The following SMAD7 variants were observed in gnomAD, a reference collection of about 807,000 sequenced individuals.
SMAD7 encodes the protein SMAD family member 7, also known as MAD (mothers against decapentaplegic, Drosophila) homolog 7.
In SMAD7, 8 loss-of-function variants were observed where a neutral mutation model predicts 38.7. The observed-to-expected ratio is 0.21, with a 90% CI of 0.12 to 0.37. The LOEUF (loss-of-function observed/expected upper bound fraction) is 0.37. Ranked by LOEUF, SMAD7 falls within the 10% of genes least tolerant of loss-of-function variation. The pLI is 1.00. For synonymous variants in SMAD7, 327 were observed against 265.1 expected, an observed-to-expected ratio of 1.23 and a Z score of -2.27; for missense variants, 477 against 577.9, an observed-to-expected ratio of 0.83 and a Z score of 1.79.
intron 2 of SMAD7, among the ~76,000 whole-genome samples, chr18:48,945,464 A>T (rs2070185106): frequency 6.6e-6 from 1 of 152,216 alleles, no homozygotes; most frequent in South Asian, 2.1e-4. Flanking sequence ...GTCTCGGAAA[A>T]AAAAAGAACA....
chr18:48,947,919 G>A (rs950550107), intron 2 of SMAD7, among the ~76,000 whole-genome samples: 6 of 139,596 alleles, frequency 4.3e-5, no homozygotes, highest in African/African-American at 1.7e-4. Context: ...ACTGGCTGTT[G>A]CCTATACTTC....
At chr18:48,944,931 G>T (rs1218197552) in intron 2 of SMAD7, among the ~76,000 whole-genome samples, 1 of 152,084 alleles carries the variant, frequency 6.6e-6, no homozygotes, top group Non-Finnish European at 1.5e-5. Flanking sequence ...TCTCCGAGCA[G>T]CTCCAACAGA....
chr18:48,940,764 C>T (rs1269282437), intron 3 of SMAD7, among the ~76,000 whole-genome samples: 1 of 149,536 alleles, frequency 6.7e-6, no homozygotes, highest in Admixed American at 6.7e-5. Flanking sequence ...GAGCCGAAAT[C>T]GCGCCACTGC....
intron 3 of SMAD7, among the ~76,000 whole-genome samples, chr18:48,941,573 G>A (rs1371518743): frequency 6.6e-6 from 1 of 152,182 alleles, no homozygotes; most frequent in African/African-American, 2.4e-5. Context: ...TGATCCTACA[G>A]GCAAGGAAAT....
chr18:48,926,857 T>TCAACAAGC (rs931313810), intron 3 of SMAD7, among the ~76,000 whole-genome samples: 1 of 152,168 alleles, frequency 6.6e-6, no homozygotes, highest in Non-Finnish European at 1.5e-5. Context: ...TGTTCTGATA[T>TCAACAAGC]CAACAAGCCC....
intron 3 of SMAD7, among the ~76,000 whole-genome samples, chr18:48,940,039 G>C (rs1473105358): frequency 2.6e-5 from 4 of 152,138 alleles, no homozygotes; most frequent in Non-Finnish European, 2.9e-5. Context: ...CCTTTTGGAA[G>C]GCATTCTCGC....
chr18:48,936,916 C>T (rs966387713), intron 3 of SMAD7, among the ~76,000 whole-genome samples: 1 of 152,060 alleles, frequency 6.6e-6, no homozygotes, highest in East Asian at 1.9e-4. Context: ...CCTCTCTCTA[C>T]AAAAAAGTAC....
At chr18:48,946,221 CCT>C (rs1568305810) in intron 2 of SMAD7, among the ~76,000 whole-genome samples, 1 of 152,154 alleles carries the variant, frequency 6.6e-6, no homozygotes, top group Non-Finnish European at 1.5e-5. Flanking sequence ...AAACTTTGTG[CCT>C]GTTTCATCTA....
Position 48,923,106 on chromosome 18 carries a change from C to T in SMAD7, c.743-1196G>A, listed in dbSNP as rs1017278763. ...TGGTTTGTGGCAGCAGGGTGGAGACCGGAAGTCTTGTATTTGTTAACAAAA... is the reference window on the plus strand; with the variant it reads ...TGGTTTGTGGCAGCAGGGTGGAGACTGGAAGTCTTGTATTTGTTAACAAAA... On this transcript the variant is annotated intron_variant, in intron 3 of 3. Coordinates refer to ENST00000262158, the MANE Select transcript of SMAD7 (RefSeq NM_005904.4). Among the ~76,000 whole-genome samples the T allele has an allele frequency of 1.4e-4, 21 of 152,220 alleles. 1 individual carries two copies. In the South Asian group the frequency reaches 1.7e-3, roughly 12 times the overall value.
intron 3 of SMAD7, chr18:48,933,760 C>T (rs1472494734): frequency 6.6e-6 from 1 of 152,326 alleles, no homozygotes; most frequent in East Asian, 1.9e-4. Context: ...CGCCGGCCCA[C>T]CAACCTCTGT....
chr18:48,931,132 G>C (rs74838488), intron 3 of SMAD7, among the ~76,000 whole-genome samples: 3,669 of 152,248 alleles, frequency 0.024, 117 homozygotes, highest in African/African-American at 0.067. Context: ...TTCATAGACA[G>C]AAAGAATGGT....
Position 48,950,077 on chromosome 18 carries a change from C to T in SMAD7, c.348G>A (p.Glu116=). The T allele has an allele frequency of 6.9e-7, 1 of 1,456,514 alleles. No homozygotes were observed. Among genetic ancestry groups the T allele is most frequent in the Non-Finnish European group, 9.0e-7 (1 of 1,107,604 alleles). The allele number at this position is 1,456,514 out of a possible 1,614,324, so 90.2% of individuals were successfully genotyped here. A position where few individuals can be genotyped will look rare whatever the true frequency, so the allele number is the denominator to read the frequency against. The change falls in exon 1 of 4, where the codon GAG becomes GAA. Residue 116 remains glutamate (E), a synonymous_variant. Transcript: ENST00000262158. ...ACGCGGTGCGCGTCCCGCCGCGGGA[C>T]TCCACGGCCTGGAGCAGCAGCTCCA... is the stretch of plus-strand genomic sequence containing the variant. ...RQLELLLQAV[E]SRGGTRTACL...
chr18:48,940,113 C>T (rs915043149), intron 3 of SMAD7, among the ~76,000 whole-genome samples: 3 of 152,258 alleles, frequency 2.0e-5, no homozygotes, highest in African/African-American at 2.4e-5. Context: ...GCCCCCAAGC[C>T]GGTGACATCA....
chr18:48,927,575 G>A (rs2069944067), intron 3 of SMAD7, among the ~76,000 whole-genome samples: 2 of 152,164 alleles, frequency 1.3e-5, no homozygotes, highest in African/African-American at 4.8e-5. Flanking sequence ...GGTAAGTTCA[G>A]CTCATCCCTA....
In SMAD7 at chr18:48,950,074, G is replaced by T. The variant is rs1373371652; in HGVS notation, c.351C>A (p.Ser117=). ...QLELLLQAVE[S]RGGTRTACLL... is the part of the protein sequence containing the mutation. Reference sequence around the variant, plus strand: ...GGCACGCGGTGCGCGTCCCGCCGCGGGACTCCACGGCCTGGAGCAGCAGCT... The same window carrying T: ...GGCACGCGGTGCGCGTCCCGCCGCGTGACTCCACGGCCTGGAGCAGCAGCT... The change falls in exon 1 of 4, where the codon TCC becomes TCA. Residue 117 remains serine (S), a synonymous_variant. Coordinates refer to ENST00000262158, the MANE Select transcript of SMAD7 (RefSeq NM_005904.4). The T allele has an allele frequency of 6.9e-7, 1 of 1,454,314 alleles. No individual in the cohort carries two copies. Among genetic ancestry groups the T allele is most frequent in the Non-Finnish European group, 9.0e-7 (1 of 1,106,470 alleles). 90.1% of individuals were successfully genotyped at this position (1,454,314 alleles called of 1,614,324 possible). A position where few individuals can be genotyped will look rare whatever the true frequency, so the allele number is the denominator to read the frequency against.
intron 3 of SMAD7, among the ~76,000 whole-genome samples, chr18:48,939,681 T>C (rs2070114761): frequency 6.7e-6 from 1 of 149,838 alleles, no homozygotes; most frequent in African/African-American, 2.5e-5. Context: ...CACCCTAAAC[T>C]GAGCCCCATT....
Position 48,949,894 on chromosome 18 carries a change from C to T in SMAD7, c.531G>A (p.Leu177=). ...DLRHSSEVKR[L]CCCESYGKIN... ...TCTTCCCGTAAGATTCACAGCAACA[C>T]AGCCTCTTGACTTCCGAGGAATGCC... Residue 177 remains leucine (L), a synonymous_variant, in exon 1 of 4, where the codon CTG becomes CTA. Transcript: ENST00000262158. 1 of 1,613,822 alleles carries T rather than the reference C, an allele frequency of 6.2e-7. No individual in the cohort carries two copies. Among genetic ancestry groups the T allele is most frequent in the Non-Finnish European group, 8.5e-7 (1 of 1,179,918 alleles).
chr18:48,948,500 G>C, intron 1 of SMAD7, 63 bp from the exon 2 acceptor site: 1 of 1,153,140 alleles, frequency 8.7e-7, no homozygotes, highest in Non-Finnish European at 1.3e-6. Flanking sequence ...AGAAACTTAT[G>C]ATAACAGAGG....
At chr18:48,932,333 C>A (rs567369713) in intron 3 of SMAD7, among the ~76,000 whole-genome samples, 4 of 152,330 alleles carry the variant, frequency 2.6e-5, no homozygotes, top group African/African-American at 9.6e-5. Context: ...ACAGTCATAT[C>A]TTGGCGTCTT....
Sources: allele counts gnomAD v4.1 joint callset (sites outside exome capture counted in the v4.1 genomes callset), GRCh38; gene constraint gnomAD v4.1.1; transcripts MANE v1.5; gene names NCBI Gene and HGNC (gene_info 2026-07-23, HGNC 2026-07-21).